TMEM179: variants seen among roughly 807,000 people sequenced by gnomAD.
The protein encoded by TMEM179 is transmembrane protein 179A.
Under a neutral mutation model 22.2 loss-of-function variants are expected in TMEM179, and 17 were observed. The observed-to-expected ratio is 0.77, with a 90% CI of 0.52 to 1.15. The LOEUF (loss-of-function observed/expected upper bound fraction) is 1.15, where lower values mean the gene tolerates loss of function less well. TMEM179 is among the 50% of genes most tolerant of loss of function. TMEM179 has a pLI of 0.00. For missense variants in TMEM179, 265 were observed against 313.6 expected (o/e 0.84, Z 1.17); for synonymous variants, 127 against 140.5 (o/e 0.90, Z 0.68).
chr14:104,596,432 C>G (rs1887024644), intron 2 of TMEM179, among the ~76,000 whole-genome samples: 1 of 152,182 alleles, frequency 6.6e-6, no homozygotes. Flanking sequence ...CCATCCCCAA[C>G]CCGCCTGGGA....
At chr14:104,596,132 C>G (rs73361865) in intron 2 of TMEM179, among the ~76,000 whole-genome samples, 22,827 of 152,276 alleles carry the variant, frequency 0.15, 2,272 homozygotes, top group African/African-American at 0.28. Context: ...TGTGCCCCAG[C>G]TACCCCAGGG....
chr14:104,591,509 C>T lies in TMEM179; in HGVS notation c.*1970G>A, dbSNP rs1040961093. On this transcript the variant is annotated 3_prime_UTR_variant, in exon 4 of 4. Transcript: ENST00000556573. ...GGGGCCTCGGATTCTGTCCAAACCC[C>T]TTCCCTCGAGGACCTGGCTGCCAGC... is the stretch of plus-strand genomic sequence containing the variant. 64 of 420,350 alleles carry T rather than the reference C, an allele frequency of 1.5e-4. No individual in the cohort carries two copies. The highest frequency in any genetic ancestry group is 2.7e-4 in the Non-Finnish European group (56 of 210,512). The allele number at this position is 420,350 out of a possible 1,614,324, so 26.0% of individuals were successfully genotyped here.
At chr14:104,596,954 G>A in intron 2 of TMEM179, 36 bp downstream of exon 2, 1 of 1,591,266 alleles carries the variant, frequency 6.3e-7, no homozygotes, top group Non-Finnish European at 8.5e-7. Flanking sequence ...CTTCCGGGGA[G>A]GTGGGCGGAG....
chr14:104,598,417 G>T (rs59260762), intron 1 of TMEM179, among the ~76,000 whole-genome samples: 2 of 152,204 alleles, frequency 1.3e-5, no homozygotes, highest in African/African-American at 2.4e-5. Flanking sequence ...GCTTCACAGC[G>T]ATCATTTAAT....
chr14:104,594,392 G>A (rs1403322224), intron 3 of TMEM179: 2 of 1,231,788 alleles, frequency 1.6e-6, no homozygotes, highest in Non-Finnish European at 2.0e-6. Flanking sequence ...GTCCGGAATT[G>A]GACCTGAAGC....
At chr14:104,596,859 A>C in intron 2 of TMEM179, 131 bp downstream of exon 2, 221 of 1,050,842 alleles carry the variant, frequency 2.1e-4, no homozygotes, top group Middle Eastern at 3.1e-4. Context: ...GCAGGGGCAC[A>C]GTGCACAGTG....
chr14:104,596,392 C>A (rs2140485005), intron 2 of TMEM179, among the ~76,000 whole-genome samples: 1 of 152,304 alleles, frequency 6.6e-6, no homozygotes, highest in South Asian at 2.1e-4. Flanking sequence ...CTGCTAAGAT[C>A]CCAGAGGGAC....
intron 3 of TMEM179, chr14:104,593,968 G>A: frequency 9.5e-7 from 1 of 1,051,700 alleles, no homozygotes; most frequent in Non-Finnish European, 1.2e-6. Flanking sequence ...AGGGGCAGTG[G>A]CCAGTGGCGA....
Position 104,594,522 on chromosome 14 carries a change from C to A in TMEM179, c.522+643G>T, listed in dbSNP as rs535970040. ...CATCTGCAGATTTCAAGGGGCAAAC[C>A]CAATTCCAGGGTTCCCCCTCCGGCC... On this transcript the variant is annotated intron_variant, in intron 3 of 3. Coordinates refer to ENST00000556573, the MANE Select transcript of TMEM179 (RefSeq NM_001286389.2). The A allele has an allele frequency of 7.0e-5, 86 of 1,231,454 alleles. No homozygotes were observed. The East Asian group carries it at 2.5e-3, about 36-fold the overall frequency. 76.3% of individuals were successfully genotyped at this position (1,231,454 alleles called of 1,614,324 possible).
chr14:104,602,853 C>G (rs1387217688), intron 1 of TMEM179, among the ~76,000 whole-genome samples: 1 of 152,152 alleles, frequency 6.6e-6, no homozygotes, highest in Non-Finnish European at 1.5e-5. Flanking sequence ...GAATGGTGTC[C>G]CCCGAAAGAT....
chr14:104,594,484 T>TC, intron 3 of TMEM179: 1 of 1,231,734 alleles, frequency 8.1e-7, no homozygotes, highest in Non-Finnish European at 1.0e-6. Context: ...CTGCCTCATC[T>TC]CCGTCTGGGG....
rs1014971295 is a variant in TMEM179, at chr14:104,595,356, G to C, written c.444-113C>G. 1 of 1,056,368 alleles carries C rather than the reference G, an allele frequency of 9.5e-7. No individual in the cohort carries two copies. The highest frequency in any genetic ancestry group is 1.4e-6 in the Non-Finnish European group (1 of 724,194). The allele number at this position is 1,056,368 out of a possible 1,614,324, so 65.4% of individuals were successfully genotyped here. A position where few individuals can be genotyped will look rare whatever the true frequency, so the allele number is the denominator to read the frequency against. Reference sequence around the variant, plus strand: ...TTTGCCCTACAATTGTTGGGCGAGGGGGTGGGCAGCAGGGAGTCTCTGGGG... The same window carrying C: ...TTTGCCCTACAATTGTTGGGCGAGGCGGTGGGCAGCAGGGAGTCTCTGGGG... On this transcript the variant is annotated intron_variant, in intron 2 of 3. Coordinates refer to ENST00000556573, the MANE Select transcript of TMEM179 (RefSeq NM_001286389.2). The surrounding 1 kb of genome is among the most constrained non-coding windows in gnomAD (Gnocchi z 5.7).
chr14:104,599,603 C>G (rs959255174), intron 1 of TMEM179, among the ~76,000 whole-genome samples: 8 of 152,186 alleles, frequency 5.3e-5, no homozygotes, highest in African/African-American at 1.7e-4. Flanking sequence ...GGCTAGGGGC[C>G]TATAGTCACA....
chr14:104,597,240 G>T lies in TMEM179; in HGVS notation c.306-113C>A. On this transcript the variant is annotated intron_variant, in intron 1 of 3. Transcript: ENST00000556573. The surrounding 1 kb of genome is among the most constrained non-coding windows in gnomAD (Gnocchi z 4.8). ...GCAGGCTCACTGGACGCCATCTCCT[G>T]GGCAACCCCCACCAGCAGCACCCCC... 7.1e-7 allele frequency: 1 copy of T among 1,405,716 alleles called. No homozygotes were observed. The highest frequency in any genetic ancestry group is 9.5e-7 in the Non-Finnish European group (1 of 1,055,878). The allele number at this position is 1,405,716 out of a possible 1,614,324, so 87.1% of individuals were successfully genotyped here. A position where few individuals can be genotyped will look rare whatever the true frequency, so the allele number is the denominator to read the frequency against.
Position 104,595,246 on chromosome 14 carries a change from A to G in TMEM179, c.444-3T>C, listed in dbSNP as rs1330398926. On this transcript the variant is annotated splice_polypyrimidine_tract_variant and splice_region_variant and intron_variant, in intron 2 of 3. Coordinates refer to ENST00000556573, the MANE Select transcript of TMEM179 (RefSeq NM_001286389.2). This position sits in a 1 kb window ranked among gnomAD's most constrained non-coding sequence, Gnocchi z 5.7. ...CGATGTCCTGGAGCTCTTCACAGCT[A>G]AAACAGCAGGACATAGGGTGGAGGG... 1.2e-6 allele frequency: 2 copies of G among 1,612,594 alleles called. No individual in the cohort carries two copies. Among genetic ancestry groups the G allele is most frequent in the South Asian group, 2.2e-5 (2 of 90,826 alleles).
chr14:104,596,779 C>T (rs72713824), intron 2 of TMEM179, among the ~76,000 whole-genome samples: 2 of 152,168 alleles, frequency 1.3e-5, no homozygotes, highest in African/African-American at 4.8e-5. Flanking sequence ...ATGCTGCCGG[C>T]TCCTAGGGCG....
At chr14:104,599,018 C>A (rs908533382) in intron 1 of TMEM179, among the ~76,000 whole-genome samples, 1 of 152,196 alleles carries the variant, frequency 6.6e-6, no homozygotes, top group African/African-American at 2.4e-5. Flanking sequence ...AAGCCACAAC[C>A]CCCATCACAG....
At chr14:104,600,562 G>C (rs1267475442) in intron 1 of TMEM179, among the ~76,000 whole-genome samples, 1 of 152,144 alleles carries the variant, frequency 6.6e-6, no homozygotes, top group Non-Finnish European at 1.5e-5. Flanking sequence ...TGAAGCACAG[G>C]TGCCATTCCA....
Position 104,592,689 on chromosome 14 carries a change from T to C in TMEM179, c.*790A>G, listed in dbSNP as rs558243923. ...TCATATACACAATCACACCCTCCCA[T>C]GCACAAAGGCACTCACAATCACATC... On this transcript the variant is annotated 3_prime_UTR_variant, in exon 4 of 4. Transcript: ENST00000556573. Among the ~76,000 whole-genome samples, 167 of 152,150 alleles carry C rather than the reference T, an allele frequency of 1.1e-3. No homozygotes were observed. Among genetic ancestry groups the C allele is most frequent in the Non-Finnish European group, 1.6e-3 (111 of 67,986 alleles).
Sources: allele counts gnomAD v4.1 joint callset (sites outside exome capture counted in the v4.1 genomes callset), GRCh38; gene constraint gnomAD v4.1.1; non-coding constraint Gnocchi (gnomAD v3.1); transcripts MANE v1.5; gene names NCBI Gene and HGNC (gene_info 2026-07-23, HGNC 2026-07-21).